The following ZNF608 variants were observed in gnomAD, a reference collection of about 807,000 sequenced individuals.
The protein encoded by ZNF608 is renal carcinoma antigen NY-REN-36.
Under a neutral mutation model 109.0 loss-of-function variants are expected in ZNF608, and 12 were observed. The observed-to-expected ratio is 0.11, with a 90% CI of 0.07 to 0.18. The LOEUF is 0.18. Ranked by LOEUF, ZNF608 falls within the 10% of genes least tolerant of loss-of-function variation. The pLI is 1.00. For synonymous variants in ZNF608, 732 were observed against 717.4 expected (o/e 1.02, Z -0.33); for missense variants, 1,707 against 1,879.3 (o/e 0.91, Z 1.70).
intron 3 of ZNF608, among the ~76,000 whole-genome samples, chr5:124,651,778 C>T (rs1296309496): frequency 6.6e-6 from 1 of 152,226 alleles, no homozygotes; most frequent in Non-Finnish European, 1.5e-5. Context: ...TTGGCTGGGC[C>T]GAGGCGGCCG....
intron 3 of ZNF608, among the ~76,000 whole-genome samples, chr5:124,693,598 G>A (rs528204768): frequency 2.6e-5 from 4 of 152,222 alleles, no homozygotes; most frequent in South Asian, 4.1e-4. Flanking sequence ...ATGTCACCAC[G>A]AAAATATATA....
intron 2 of ZNF608, among the ~76,000 whole-genome samples, chr5:124,727,105 A>T (rs1174304586): frequency 6.6e-6 from 1 of 152,206 alleles, no homozygotes; most frequent in African/African-American, 2.4e-5. Flanking sequence ...TCCTAGCACC[A>T]AAGGTCTTAC....
chr5:124,743,482 T>C (rs1749503967), intron 2 of ZNF608, among the ~76,000 whole-genome samples: 1 of 151,936 alleles, frequency 6.6e-6, no homozygotes, highest in South Asian at 2.1e-4. Flanking sequence ...AAGCTTGGGG[T>C]TTCATTCAGG....
intron 2 of ZNF608, among the ~76,000 whole-genome samples, chr5:124,703,879 T>C (rs1753155083): frequency 6.6e-6 from 1 of 152,128 alleles, no homozygotes; most frequent in Non-Finnish European, 1.5e-5. Flanking sequence ...CATAACTCCA[T>C]CTATAGATAT....
At chr5:124,724,908 T>C (rs1361877117) in intron 2 of ZNF608, among the ~76,000 whole-genome samples, 2 of 152,232 alleles carry the variant, frequency 1.3e-5, no homozygotes, top group East Asian at 3.9e-4. Context: ...AGCCTGTCCC[T>C]CCTCTGCGCA....
chr5:124,676,251 G>A (rs991038772), intron 3 of ZNF608, among the ~76,000 whole-genome samples: 1 of 152,082 alleles, frequency 6.6e-6, no homozygotes, highest in African/African-American at 2.4e-5. Context: ...AACAATAAAC[G>A]CTCTGTGAAC....
chr5:124,720,904 A>G (rs1379982435), intron 2 of ZNF608, among the ~76,000 whole-genome samples: 2 of 145,672 alleles, frequency 1.4e-5, no homozygotes, highest in Non-Finnish European at 3.0e-5. Context: ...CACCTAAGCT[A>G]TATGTTATAA....
rs752964429 is a variant in ZNF608 at position 124,647,925 on chromosome 5, T to C, written c.2459A>G (p.Lys820Arg). Reference protein sequence around the residue: ...DKKKKEKRKLKDKEGKETGSP... With the variant: ...DKKKKEKRKLRDKEGKETGSP... ...TCCCGTCTCTTTCCCTTCTTTGTCC[T>C]TTAGCTTTCGCTTCTCCTTTTTCTT... Residue 820 changes from lysine to arginine, a missense_variant, in exon 5 of 10, where the codon AAG becomes AGG. Transcript: ENST00000513986. 1.1e-5 allele frequency: 18 copies of C among 1,614,072 alleles called. No homozygotes were observed. Among genetic ancestry groups the C allele is most frequent in the Non-Finnish European group, 1.5e-5 (18 of 1,180,030 alleles).
chr5:124,676,455 A>C (rs1159724993), intron 3 of ZNF608, among the ~76,000 whole-genome samples: 1 of 152,214 alleles, frequency 6.6e-6, no homozygotes, highest in Non-Finnish European at 1.5e-5. Context: ...AGACAAACAA[A>C]GCTCCTGTTC....
At chr5:124,671,732 C>T (rs1205224448) in intron 3 of ZNF608, among the ~76,000 whole-genome samples, 1 of 150,510 alleles carries the variant, frequency 6.6e-6, no homozygotes, top group Non-Finnish European at 1.5e-5. Context: ...ACCTCCTGGG[C>T]TCAAGCCATC....
At chr5:124,649,228 C>G in intron 4 of ZNF608, 95 bp from the exon 5 acceptor site, 2 of 1,023,696 alleles carry the variant, frequency 2.0e-6, no homozygotes, top group Non-Finnish European at 2.7e-6. Context: ...AGTCAACACT[C>G]CAGTAGCTTC....
chr5:124,681,193 C>A (rs532227299), intron 3 of ZNF608, among the ~76,000 whole-genome samples: 1 of 152,316 alleles, frequency 6.6e-6, no homozygotes, highest in South Asian at 2.1e-4. Flanking sequence ...TGGCTCACGC[C>A]TGTAATCCCA....
At chr5:124,645,824 T>C (rs1294039822) in intron 5 of ZNF608, among the ~76,000 whole-genome samples, 3 of 151,982 alleles carry the variant, frequency 2.0e-5, no homozygotes, top group African/African-American at 4.8e-5. Flanking sequence ...GTACTTAATA[T>C]AGGGAGTAAG....
At chr5:124,739,289 T>C (rs1185831044) in intron 2 of ZNF608, among the ~76,000 whole-genome samples, 1 of 152,174 alleles carries the variant, frequency 6.6e-6, no homozygotes, top group Non-Finnish European at 1.5e-5. Flanking sequence ...ATTCTTAGTG[T>C]CTAAAAGTCA....
intron 3 of ZNF608, among the ~76,000 whole-genome samples, chr5:124,698,553 C>T (rs1279961078): frequency 6.6e-6 from 1 of 152,136 alleles, no homozygotes; most frequent in Admixed American, 6.5e-5. Context: ...GTCCGCTGTA[C>T]GAATGTACAA....
chr5:124,746,081 G>A (rs905033903), intron 1 of ZNF608, 114 bp downstream of exon 1: 41 of 973,542 alleles, frequency 4.2e-5, no homozygotes, highest in Middle Eastern at 5.3e-4. Context: ...GTTTGACAAA[G>A]AGCAGTTAAA....
Position 124,644,620 on chromosome 5 carries a change from G to C in ZNF608, c.3747C>G (p.Pro1249=). 6.2e-7 allele frequency: 1 copy of C among 1,605,620 alleles called. No individual in the cohort carries two copies. The highest frequency in any genetic ancestry group is 2.2e-5 in the East Asian group (1 of 44,808). The change falls in exon 6 of 10, where the codon CCC becomes CCG. Residue 1249 remains proline (P), a synonymous_variant. Transcript: ENST00000513986. Reference sequence around the variant, plus strand: ...CTGACTTTTGCTGATCCAGATATTTGGGCTGGTATACATAATGATGCCATG... The same window carrying C: ...CTGACTTTTGCTGATCCAGATATTTCGGCTGGTATACATAATGATGCCATG... ...SRTWHHYVYQ[P]KYLDQQKSEE...
intron 3 of ZNF608, among the ~76,000 whole-genome samples, chr5:124,686,625 G>A (rs1752423675): frequency 6.6e-6 from 1 of 152,202 alleles, no homozygotes; most frequent in Admixed American, 6.5e-5. Flanking sequence ...GTCTTCTCAT[G>A]AAGCTGAGGA....
At chr5:124,682,830 G>C (rs1421597447) in intron 3 of ZNF608, among the ~76,000 whole-genome samples, 1 of 152,214 alleles carries the variant, frequency 6.6e-6, no homozygotes, top group Non-Finnish European at 1.5e-5. Context: ...ATAATTACTT[G>C]TGGTGGGCAG....
Sources: allele counts gnomAD v4.1 joint callset (sites outside exome capture counted in the v4.1 genomes callset), GRCh38; gene constraint gnomAD v4.1.1; transcripts MANE v1.5; gene names NCBI Gene and HGNC (gene_info 2026-07-23, HGNC 2026-07-21).